The following CWC22 variants were observed in gnomAD, a reference collection of about 807,000 sequenced individuals.
The protein encoded by CWC22 is CWC22 spliceosome associated protein.
Under a neutral mutation model 117.2 loss-of-function variants are expected in CWC22, and 53 were observed. The ratio of observed to expected loss-of-function variants is 0.45; its 90% confidence interval spans 0.36 to 0.57. The LOEUF is 0.57. CWC22 is among the 20% of genes least tolerant of loss of function. The pLI is 0.00. For synonymous variants in CWC22, 360 were observed against 355.6 expected (o/e 1.01, Z -0.14); for missense variants, 980 against 1,068.8 (o/e 0.92, Z 1.16).
intron 4 of CWC22, among the ~76,000 whole-genome samples, chr2:179,984,962 G>A (rs1006966200): frequency 1.3e-5 from 2 of 151,950 alleles, no homozygotes; most frequent in African/African-American, 4.8e-5. Context: ...TTTTAAAGTT[G>A]TCATTTTCTT....
intron 2 of CWC22, among the ~76,000 whole-genome samples, chr2:179,991,602 C>T (rs1687569481): frequency 6.6e-6 from 1 of 152,042 alleles, no homozygotes; most frequent in African/African-American, 2.4e-5. Flanking sequence ...CTAAGAGGAA[C>T]CAAAAGAGGA....
rs746999018 is a variant in CWC22 at position 179,945,598 on chromosome 2, T to C, written c.2258A>G (p.His753Arg). The change falls in exon 20 of 20, where the codon CAC (histidine) becomes CGC (arginine). Residue 753 changes from histidine to arginine, a missense_variant. Around this residue, in one of 3 missense-constraint regions of CWC22, gnomAD observed 306 missense variants for 296.8 expected, o/e 1.03. Transcript: ENST00000410053. Reference protein sequence around the residue: ...KQKERRQEHGHQETRTERERR... With the variant: ...KQKERRQEHGRQETRTERERR... ...TTCTCTCTCAGTCCTTGTTTCCTGG[T>C]GCCCGTGTTCTTGTCTTCTTTCTTT... The C allele has an allele frequency of 6.2e-7, 1 of 1,613,630 alleles. No individual in the cohort carries two copies. Among genetic ancestry groups the C allele is most frequent in the Non-Finnish European group, 8.5e-7 (1 of 1,179,712 alleles).
chr2:179,978,074 C>T (rs1477959709), intron 6 of CWC22, 116 bp downstream of exon 6: 13 of 1,160,206 alleles, frequency 1.1e-5, no homozygotes, highest in Non-Finnish European at 1.2e-5. Flanking sequence ...AATAAATATT[C>T]TCAATGACCT....
chr2:179,981,928 T>C lies in CWC22; in HGVS notation c.276A>G (p.Pro92=). ...TTTCTGGGTTTCTCCTCCCAGGAGA[T>C]GGGGATTTCCGAGACCTTTTCCGAT... ...DTDRKRSRKS[P]SPGRRNPETS... Residue 92 remains proline (P), a synonymous_variant, in exon 5 of 20, where the codon CCA becomes CCG. Coordinates refer to ENST00000410053, the MANE Select transcript of CWC22 (RefSeq NM_020943.3). The C allele has an allele frequency of 1.3e-6, 2 of 1,583,116 alleles. No homozygotes were observed. Among genetic ancestry groups the C allele is most frequent in the African/African-American group, 1.3e-5 (1 of 74,458 alleles).
chr2:179,965,890 C>G lies in CWC22; in HGVS notation c.1303G>C (p.Glu435Gln), dbSNP rs747753250. The change falls in exon 12 of 20, where the codon GAA becomes CAA. Residue 435 changes from glutamate to glutamine, a missense_variant. Glu to Gln is a conservative substitution (Grantham distance 29). Around this residue, in one of 3 missense-constraint regions of CWC22, gnomAD observed 559 missense variants for 602.3 expected, o/e 0.93. Transcript: ENST00000410053. Reference protein sequence around the residue: ...DEEEEEEEGEEDEEGQKVTIH... With the variant: ...DEEEEEEEGEQDEEGQKVTIH... ...GCTACATGTTTACCTTCTTCATCTT[C>G]TTCTCCCTCTTCCTCTTCTTCTTCC... is the stretch of plus-strand genomic sequence containing the variant. 6.5e-7 allele frequency: 1 copy of G among 1,533,892 alleles called. No individual in the cohort carries two copies. The highest frequency in any genetic ancestry group is 1.1e-5 in the South Asian group (1 of 89,222).
At chr2:179,956,672 C>T (rs968891147) in intron 14 of CWC22, among the ~76,000 whole-genome samples, 1 of 151,054 alleles carries the variant, frequency 6.6e-6, no homozygotes, top group Non-Finnish European at 1.5e-5. Flanking sequence ...TGTGTAAGTT[C>T]TGAAAAGGTG....
rs566758675 is a variant in CWC22, at chr2:179,981,301, AC to A, written c.452+450del. On this transcript the variant is annotated intron_variant, in intron 5 of 19. Coordinates refer to ENST00000410053, the MANE Select transcript of CWC22 (RefSeq NM_020943.3). ...GCGGAGTTAAGTAGCAACAACAGAGACAAAATGACTCACAGTGTAAAATATT... is the reference window on the plus strand; with the variant it reads ...GCGGAGTTAAGTAGCAACAACAGAGAAAAATGACTCACAGTGTAAAATATT... Among the ~76,000 whole-genome samples the A allele has an allele frequency of 1.1e-3, 168 of 152,328 alleles. 1 individual carries two copies. Among genetic ancestry groups the A allele is most frequent in the African/African-American group, 3.5e-3 (146 of 41,582 alleles).
intron 1 of CWC22, among the ~76,000 whole-genome samples, chr2:180,001,027 C>T (rs966266084): frequency 5.3e-5 from 8 of 152,050 alleles, no homozygotes; most frequent in African/African-American, 1.7e-4. Context: ...TAGGAAGATT[C>T]CCCAATGTGC....
At chr2:179,992,968 A>G (rs1045375872) in intron 2 of CWC22, among the ~76,000 whole-genome samples, 2 of 152,024 alleles carry the variant, frequency 1.3e-5, no homozygotes, top group East Asian at 3.9e-4. Flanking sequence ...CATTCACATG[A>G]TATATGCAGG....
rs746406630 is a variant in CWC22, at chr2:179,945,082, G to A, written c.*47C>T. 32 of 1,303,750 alleles carry A rather than the reference G, an allele frequency of 2.5e-5. No homozygotes were observed. The South Asian group carries it at 4.0e-4, about 16-fold the overall frequency. The allele number at this position is 1,303,750 out of a possible 1,614,324, so 80.8% of individuals were successfully genotyped here. ...AGTTCGTCAAAGTAAAAAATAATTT[G>A]TTTCAACTGAATATAAGGCATGTCC... is the stretch of plus-strand genomic sequence containing the variant. On this transcript the variant is annotated 3_prime_UTR_variant, in exon 20 of 20. Coordinates refer to ENST00000410053, the MANE Select transcript of CWC22 (RefSeq NM_020943.3).
intron 2 of CWC22, 99 bp from the exon 3 acceptor site, chr2:179,988,743 T>C (rs1687484330): frequency 1.7e-6 from 1 of 602,918 alleles, no homozygotes; most frequent in Non-Finnish European, 2.9e-6. Flanking sequence ...CTTTAGAAAT[T>C]GTATCAAAAC....
intron 1 of CWC22, among the ~76,000 whole-genome samples, chr2:179,995,925 A>C (rs1687686895): frequency 1.3e-5 from 2 of 152,198 alleles, no homozygotes; most frequent in African/African-American, 4.8e-5. Context: ...GGAATCCAGG[A>C]GGGGAGAGAG....
chr2:179,951,953 T>C (rs531710693), intron 17 of CWC22, among the ~76,000 whole-genome samples: 1 of 152,140 alleles, frequency 6.6e-6, no homozygotes, highest in East Asian at 1.9e-4. Flanking sequence ...CTGAGAAATC[T>C]GAAAGGATGA....
intron 6 of CWC22, among the ~76,000 whole-genome samples, chr2:179,977,866 T>A (rs768934434): frequency 1.6e-4 from 25 of 152,240 alleles, no homozygotes; most frequent in Admixed American, 5.9e-4. Context: ...AAATAAAAAA[T>A]TAAATTAGTT....
At chr2:179,947,083 C>G (rs778862622) in intron 19 of CWC22, among the ~76,000 whole-genome samples, 1 of 152,104 alleles carries the variant, frequency 6.6e-6, no homozygotes, top group Non-Finnish European at 1.5e-5. Context: ...ATCAAAGATG[C>G]TAAGATAACA....
At chr2:179,963,485 G>A (rs1487008064) in intron 13 of CWC22, among the ~76,000 whole-genome samples, 3 of 150,928 alleles carry the variant, frequency 2.0e-5, no homozygotes, top group African/African-American at 7.3e-5. Context: ...TGGGACTACA[G>A]GCGCCCGCTA....
At chr2:179,958,789 A>T (rs1409920549) in intron 14 of CWC22, among the ~76,000 whole-genome samples, 1 of 151,132 alleles carries the variant, frequency 6.6e-6, no homozygotes, top group Non-Finnish European at 1.5e-5. Flanking sequence ...AGTGTTTCAG[A>T]GACTCTCTTT....
At chr2:179,977,623 A>G (rs1035378757) in intron 6 of CWC22, among the ~76,000 whole-genome samples, 1 of 152,208 alleles carries the variant, frequency 6.6e-6, no homozygotes, top group African/African-American at 2.4e-5. Context: ...GACAGGAGGA[A>G]TAAGTTCCAG....
chr2:179,973,170 A>G (rs1191303387), intron 8 of CWC22, 23 bp downstream of exon 8: 1 of 1,555,662 alleles, frequency 6.4e-7, no homozygotes, highest in Admixed American at 1.8e-5. Context: ...GAATGGGACC[A>G]AGTATTGAAG....
Sources: allele counts gnomAD v4.1 joint callset (sites outside exome capture counted in the v4.1 genomes callset), GRCh38; gene constraint gnomAD v4.1.1; regional missense constraint gnomAD v4.1.1; transcripts MANE v1.5; gene names NCBI Gene and HGNC (gene_info 2026-07-23, HGNC 2026-07-21).